Variants in SLIT3 observed in about 807,000 individuals in gnomAD.
SLIT3 encodes the protein slit homolog 3 protein.
SLIT3 carries 68 observed loss-of-function variants against 184.0 expected under a neutral mutation model. The observed-to-expected ratio is 0.37, with a 90% confidence interval of 0.30 to 0.45. The LOEUF (loss-of-function observed/expected upper bound fraction) is 0.45. Ranked by LOEUF, SLIT3 falls within the 20% of genes least tolerant of loss-of-function variation. The pLI is 1.00. For synonymous variants in SLIT3, 831 were observed against 828.6 expected, an observed-to-expected ratio of 1.00 and a Z score of -0.05; for missense variants, 1,707 against 2,026.0, an observed-to-expected ratio of 0.84 and a Z score of 3.02.
chr5:169,272,191 G>T (rs1175478223), intron 1 of SLIT3, among the ~76,000 whole-genome samples: 2 of 152,302 alleles, frequency 1.3e-5, no homozygotes, highest in East Asian at 3.9e-4. Flanking sequence ...GTCACATTTG[G>T]AGGGCAGAGT....
At chr5:169,031,244 T>C (rs1757016575) in intron 4 of SLIT3, among the ~76,000 whole-genome samples, 1 of 152,180 alleles carries the variant, frequency 6.6e-6, no homozygotes, top group South Asian at 2.1e-4. Context: ...AAGTTACCCC[T>C]CAGCCATTTC....
At position 169,294,758 on chromosome 5, in the gene SLIT3, G is replaced by A. The variant is rs935019538; in HGVS notation, c.197+5755C>T. 9.2e-5 allele frequency among the ~76,000 whole-genome samples: 14 copies of A among 152,160 alleles called. No homozygotes were observed. In the South Asian group the frequency reaches 1.0e-3, roughly 11 times the overall value. On this transcript the variant is annotated intron_variant, in intron 1 of 35. Coordinates refer to ENST00000519560, the MANE Select transcript of SLIT3 (RefSeq NM_003062.4). Reference sequence around the variant, plus strand: ...CAAACCTCATAGAGTGCACTCACACGAGCCCAGATGGTCTAGCCTACTATA... The same window carrying A: ...CAAACCTCATAGAGTGCACTCACACAAGCCCAGATGGTCTAGCCTACTATA...
At chr5:168,780,207 T>G (rs750466173) in intron 12 of SLIT3, among the ~76,000 whole-genome samples, 3 of 152,232 alleles carry the variant, frequency 2.0e-5, no homozygotes, top group Non-Finnish European at 2.9e-5. Context: ...CCCACTTCTA[T>G]GGTATTTGTC....
chr5:169,133,390 C>T (rs1199657142), intron 4 of SLIT3, among the ~76,000 whole-genome samples: 1 of 152,206 alleles, frequency 6.6e-6, no homozygotes, highest in Non-Finnish European at 1.5e-5. Context: ...AAGCCTAGAG[C>T]CTGCTGGTCT....
intron 4 of SLIT3, among the ~76,000 whole-genome samples, chr5:169,078,365 G>A (rs1052006732): frequency 5.9e-5 from 9 of 152,028 alleles, no homozygotes; most frequent in African/African-American, 9.7e-5. Context: ...AACTCTGGGG[G>A]CTGCCTTCAC....
chr5:168,693,676 GA>G (rs1197422499), intron 28 of SLIT3, among the ~76,000 whole-genome samples: 1 of 152,150 alleles, frequency 6.6e-6, no homozygotes, highest in Non-Finnish European at 1.5e-5. Context: ...GCAGGGCGGG[GA>G]AAGCTGCCTT....
intron 4 of SLIT3, among the ~76,000 whole-genome samples, chr5:168,885,864 T>G (rs1459852477): frequency 6.6e-6 from 1 of 152,150 alleles, no homozygotes; most frequent in Admixed American, 6.5e-5. Flanking sequence ...AAGGTTCTGA[T>G]TTGCAATACG....
At chr5:168,867,933 G>A (rs1393261957) in intron 5 of SLIT3, among the ~76,000 whole-genome samples, 2 of 152,204 alleles carry the variant, frequency 1.3e-5, no homozygotes, top group Admixed American at 6.5e-5. Flanking sequence ...CTATATCAGA[G>A]GCCAGTAGTT....
chr5:169,177,204 A>T (rs998545452), intron 4 of SLIT3, among the ~76,000 whole-genome samples: 1 of 152,216 alleles, frequency 6.6e-6, no homozygotes, highest in African/African-American at 2.4e-5. Context: ...CTATCACTGC[A>T]GCAATCAGAC....
chr5:168,969,948 G>A lies in SLIT3; in HGVS notation c.414-86612C>T, dbSNP rs183617151. The stretch of plus-strand genomic sequence containing the variant: ...TGTAACGCCAGCACTTTGGGAGGCC[G>A]AGGCCGGTGGATCATGAGGTCAGGA... On this transcript the variant is annotated intron_variant, in intron 4 of 35. Transcript: ENST00000519560. Among the ~76,000 whole-genome samples the A allele has an allele frequency of 3.1e-4, 47 of 152,338 alleles. 2 individuals carry two copies. In the East Asian group the frequency reaches 8.5e-3, roughly 27 times the overall value.
rs139978635 is a variant in SLIT3 at position 169,262,873 on chromosome 5, T to G, written c.198-11414A>C. Among the ~76,000 whole-genome samples the G allele has an allele frequency of 4.4e-3, 671 of 152,312 alleles. 3 individuals are homozygous for G. Among genetic ancestry groups the G allele is most frequent in the African/African-American group, 0.015 (643 of 41,568 alleles). On this transcript the variant is annotated intron_variant, in intron 1 of 35. Transcript: ENST00000519560. The stretch of plus-strand genomic sequence containing the variant: ...CCTCAAAGTCCTGCGTCCATTTAAA[T>G]CCTACTGCTCTGTTATGGGCTGAAT...
intron 4 of SLIT3, among the ~76,000 whole-genome samples, chr5:168,900,444 A>T (rs1760825840): frequency 6.6e-6 from 1 of 152,152 alleles, no homozygotes; most frequent in African/African-American, 2.4e-5. Context: ...GTGAAAACTC[A>T]TCTCTACAAA....
At chr5:169,152,126 C>T (rs991620849) in intron 4 of SLIT3, among the ~76,000 whole-genome samples, 3 of 152,160 alleles carry the variant, frequency 2.0e-5, no homozygotes, top group Non-Finnish European at 2.9e-5. Context: ...CCAGAGAGGT[C>T]ATGTGATTAT....
intron 12 of SLIT3, among the ~76,000 whole-genome samples, chr5:168,781,575 C>T (rs1304877573): frequency 6.6e-6 from 1 of 152,190 alleles, no homozygotes; most frequent in Admixed American, 6.5e-5. Context: ...ACACAAGCAG[C>T]TCCTTGACTA....
chr5:168,732,926 A>G (rs1400888017), intron 20 of SLIT3, among the ~76,000 whole-genome samples: 2 of 152,210 alleles, frequency 1.3e-5, no homozygotes, highest in African/African-American at 2.4e-5. Context: ...TTTATGACTA[A>G]GTCCTCAAAA....
chr5:168,972,006 G>T (rs1165702135), intron 4 of SLIT3, among the ~76,000 whole-genome samples: 1 of 152,220 alleles, frequency 6.6e-6, no homozygotes, highest in African/African-American at 2.4e-5. Flanking sequence ...TAAAAAAGTT[G>T]TTATGTAGTC....
At chr5:169,299,557 C>T (rs1767615867) in intron 1 of SLIT3, among the ~76,000 whole-genome samples, 1 of 152,188 alleles carries the variant, frequency 6.6e-6, no homozygotes, top group South Asian at 2.1e-4. Context: ...GCTTCCCACC[C>T]ACTCCAGCGT....
At chr5:169,186,301 C>A (rs1184910878) in intron 4 of SLIT3, among the ~76,000 whole-genome samples, 1 of 152,124 alleles carries the variant, frequency 6.6e-6, no homozygotes, top group Non-Finnish European at 1.5e-5. Context: ...ACCACAGAGG[C>A]ACAACCACGT....
At chr5:168,984,397 C>G (rs570658984) in intron 4 of SLIT3, among the ~76,000 whole-genome samples, 16 of 152,298 alleles carry the variant, frequency 1.1e-4, no homozygotes, top group African/African-American at 3.8e-4. Flanking sequence ...GCTACCCCAT[C>G]TGAATTGCCC....
Sources: gnomAD v4.1 joint callset for allele counts (sites outside exome capture counted in the v4.1 genomes callset) on GRCh38, gnomAD v4.1.1 for gene constraint, MANE v1.5 for transcripts, NCBI Gene and HGNC (gene_info 2026-07-23, HGNC 2026-07-21) for gene names.